DTNA: variants seen among roughly 807,000 people sequenced by gnomAD.
DTNA encodes dystrobrevin alpha, also known as dystrophin-related protein 3.
DTNA carries 43 observed loss-of-function variants against 100.7 expected under a neutral mutation model. That is an observed-to-expected ratio of 0.43 (90% CI 0.33 to 0.55). DTNA has a LOEUF of 0.55. Ranked by LOEUF, DTNA falls within the 20% of genes least tolerant of loss-of-function variation. The probability of loss-of-function intolerance (pLI) is 0.04; values close to 1 mark genes in which losing one functional copy is unlikely to be tolerated. For synonymous variants in DTNA, 349 were observed against 347.9 expected, an observed-to-expected ratio of 1.00 and a Z score of -0.04; for missense variants, 798 against 953.9, an observed-to-expected ratio of 0.84 and a Z score of 2.15.
At chr18:34,737,931 C>G (rs896170044) in intron 1 of DTNA, 1 of 152,022 alleles carries the variant, frequency 6.6e-6, no homozygotes, top group Non-Finnish European at 1.5e-5. Flanking sequence ...GATTTTATGA[C>G]AATTGCAAAA....
chr18:34,815,374 C>T (rs1451617426), intron 6 of DTNA, among the ~76,000 whole-genome samples: 1 of 152,054 alleles, frequency 6.6e-6, no homozygotes, highest in Non-Finnish European at 1.5e-5. Context: ...ATAAAAGGAG[C>T]AAATTTTTAA....
chr18:34,762,705 G>A (rs933344475), intron 2 of DTNA, among the ~76,000 whole-genome samples: 8 of 152,124 alleles, frequency 5.3e-5, no homozygotes, highest in South Asian at 2.1e-4. Flanking sequence ...GATTGTGCAC[G>A]GTTGTGTGCT....
intron 20 of DTNA, 109 bp downstream of exon 20, chr18:34,879,828 G>T: frequency 7.2e-7 from 1 of 1,391,464 alleles, no homozygotes; most frequent in South Asian, 1.3e-5. Context: ...TTCAGAAGGG[G>T]TGACATAGTT....
chr18:34,836,892 A>G lies in DTNA; in HGVS notation c.1176-1202A>G, dbSNP rs181058365. Among the ~76,000 whole-genome samples the G allele has an allele frequency of 5.6e-3, 850 of 152,232 alleles. 7 individuals are homozygous for G. Among genetic ancestry groups the G allele is most frequent in the Non-Finnish European group, 7.0e-3 (478 of 68,008 alleles). ...ACACTATTATAAAGCAAGAATTCCAACTATAATGTGCATAGTTCTAATGTG... is the reference window on the plus strand; with the variant it reads ...ACACTATTATAAAGCAAGAATTCCAGCTATAATGTGCATAGTTCTAATGTG... On this transcript the variant is annotated intron_variant, in intron 11 of 22. Coordinates refer to ENST00000444659, the MANE Select transcript of DTNA (RefSeq NM_001386795.1).
chr18:34,504,696 A>G (rs1482302205), intron 1 of DTNA, among the ~76,000 whole-genome samples: 1 of 152,160 alleles, frequency 6.6e-6, no homozygotes, highest in Non-Finnish European at 1.5e-5. Flanking sequence ...ATGAAAATCC[A>G]TTGTCATTCT....
rs1413320918 is a variant in DTNA, at chr18:34,884,735, T to A, written c.2303T>A (p.Leu768Ter). The A allele has an allele frequency of 6.2e-7, 1 of 1,614,130 alleles. No homozygotes were observed. Among genetic ancestry groups the A allele is most frequent in the Non-Finnish European group, 8.5e-7 (1 of 1,179,972 alleles). Residue 768 changes from leucine to a stop codon, truncating the protein, a stop_gained, in exon 22 of 23, where the codon TTG (leucine) becomes TAG (stop). Coordinates refer to ENST00000444659, the MANE Select transcript of DTNA (RefSeq NM_001386795.1). LOFTEE classifies it high-confidence loss of function. ...GTCCTTTGTCACCCACAGGTCAGCT[T>A]GCAAGGTTGAATGCAATATCCTTTT... is the stretch of plus-strand genomic sequence containing the variant. ...KLQDEAYQVS[L>*]QG
At position 34,685,977 on chromosome 18, in the gene DTNA, C is replaced by T. The variant is rs2078838123; in HGVS notation, c.-1-69999C>T. Among the ~76,000 whole-genome samples the T allele has an allele frequency of 2.6e-5, 4 of 152,134 alleles. No individual in the cohort carries two copies. In the South Asian group the frequency reaches 8.3e-4, roughly 32 times the overall value. On this transcript the variant is annotated intron_variant, in intron 1 of 19. Transcript: ENST00000283365. The stretch of plus-strand genomic sequence containing the variant: ...TGTATAGGAATGCTTGTGAATTTTG[C>T]ACATTGGTTTTGTATCCTGACACTT...
chr18:34,809,772 A>C (rs540145030), intron 5 of DTNA, among the ~76,000 whole-genome samples: 25 of 152,358 alleles, frequency 1.6e-4, no homozygotes, highest in African/African-American at 5.5e-4. Flanking sequence ...AGAAAGCAAC[A>C]GAAAATTTGA....
intron 19 of DTNA, among the ~76,000 whole-genome samples, 188 bp downstream of exon 19, chr18:34,877,996 C>G (rs2096835321): frequency 6.6e-6 from 1 of 151,710 alleles, no homozygotes; most frequent in South Asian, 2.1e-4. Flanking sequence ...TTTTTTGAGA[C>G]AGGGTGTCTC....
chr18:34,860,985 T>C (rs535395089), intron 16 of DTNA, among the ~76,000 whole-genome samples: 2 of 152,308 alleles, frequency 1.3e-5, no homozygotes, highest in South Asian at 4.1e-4. Context: ...ATTTATGTAC[T>C]TATATATGAT....
At chr18:34,731,689 T>A (rs1317861137) in intron 1 of DTNA, among the ~76,000 whole-genome samples, 1 of 152,228 alleles carries the variant, frequency 6.6e-6, no homozygotes, top group African/African-American at 2.4e-5. Context: ...CATCTCTTAA[T>A]GTATGTCTCC....
At chr18:34,739,674 A>G (rs925528316) in intron 1 of DTNA, among the ~76,000 whole-genome samples, 2 of 152,190 alleles carry the variant, frequency 1.3e-5, no homozygotes, top group African/African-American at 4.8e-5. Context: ...GGCTCAAAGA[A>G]ATAGATCTCT....
In DTNA at chr18:34,739,173, A is replaced by T. The variant is rs185661932; in HGVS notation, c.-1-16803A>T. The stretch of plus-strand genomic sequence containing the variant: ...CTGGCTGATTCTCTGAGATTAGGAT[A>T]TAAGTGGGATTTATATTAAAAATAA... On this transcript the variant is annotated intron_variant, in intron 1 of 22. Coordinates refer to ENST00000444659, the MANE Select transcript of DTNA (RefSeq NM_001386795.1). 2.0e-3 allele frequency among the ~76,000 whole-genome samples: 311 copies of T among 152,330 alleles called. 2 individuals carry two copies. The highest frequency in any genetic ancestry group is 7.2e-3 in the African/African-American group (299 of 41,574).
intron 1 of DTNA, among the ~76,000 whole-genome samples, chr18:34,602,643 C>T (rs1045605634): frequency 6.6e-6 from 1 of 151,790 alleles, no homozygotes; most frequent in Non-Finnish European, 1.5e-5. Flanking sequence ...ATGGGAGGAT[C>T]ATCAGGCCAG....
Position 34,801,455 on chromosome 18 carries a change from A to G in DTNA, c.363-4764A>G, listed in dbSNP as rs574750735. Among the ~76,000 whole-genome samples the G allele has an allele frequency of 5.3e-5, 8 of 152,234 alleles. No homozygotes were observed. In the South Asian group the frequency reaches 1.7e-3, roughly 32 times the overall value. On this transcript the variant is annotated intron_variant, in intron 4 of 22. Coordinates refer to ENST00000444659, the MANE Select transcript of DTNA (RefSeq NM_001386795.1). Reference sequence around the variant, plus strand: ...GTATTATGCGCTGTTTTCTCTCTGCATTGAAATGGAAAACATTACAAACAA... The same window carrying G: ...GTATTATGCGCTGTTTTCTCTCTGCGTTGAAATGGAAAACATTACAAACAA...
intron 1 of DTNA, among the ~76,000 whole-genome samples, chr18:34,552,877 C>A (rs1393227486): frequency 2.1e-5 from 3 of 141,900 alleles, no homozygotes; most frequent in Non-Finnish European, 4.6e-5. Context: ...ATTTATAGTC[C>A]TTTGGGTATA....
At chr18:34,812,550 G>A (rs913111456) in intron 6 of DTNA, among the ~76,000 whole-genome samples, 1 of 152,134 alleles carries the variant, frequency 6.6e-6, no homozygotes, top group Non-Finnish European at 1.5e-5. Context: ...CGACAGGAAA[G>A]AGAAAGAATG....
intron 1 of DTNA, among the ~76,000 whole-genome samples, chr18:34,506,776 T>C (rs933426005): frequency 6.6e-6 from 1 of 152,196 alleles, no homozygotes; most frequent in Non-Finnish European, 1.5e-5. Flanking sequence ...GTCCCCTAGC[T>C]GATTTGTCTT....
chr18:34,711,736 C>G (rs1275848974), intron 1 of DTNA, among the ~76,000 whole-genome samples: 1 of 152,110 alleles, frequency 6.6e-6, no homozygotes, highest in Non-Finnish European at 1.5e-5. Flanking sequence ...TTTCCTTGAT[C>G]TCTCTAGTTT....
Sources: allele counts gnomAD v4.1 joint callset (sites outside exome capture counted in the v4.1 genomes callset), GRCh38; gene constraint gnomAD v4.1.1; transcripts MANE v1.5; gene names NCBI Gene and HGNC (gene_info 2026-07-23, HGNC 2026-07-21).